BFSP2: variants seen among roughly 807,000 people sequenced by gnomAD.
BFSP2 encodes phakinin.
Under a neutral mutation model 44.9 loss-of-function variants are expected in BFSP2, and 38 were observed. That is an observed-to-expected ratio of 0.85 (90% CI 0.65 to 1.11). The LOEUF is 1.11. BFSP2 is among the 50% of genes least tolerant of loss of function. The pLI is 0.00. For missense variants in BFSP2, 525 were observed against 533.0 expected (o/e 0.99, Z 0.15); for synonymous variants, 197 against 209.9 (o/e 0.94, Z 0.53).
chr3:133,464,298 C>T (rs1230438770), intron 4 of BFSP2, among the ~76,000 whole-genome samples: 1 of 152,196 alleles, frequency 6.6e-6, no homozygotes, highest in African/African-American at 2.4e-5. Flanking sequence ...GTTGAGAGCA[C>T]ATCTCTGGGT....
chr3:133,445,218 G>A (rs2073886342), intron 1 of BFSP2, among the ~76,000 whole-genome samples: 1 of 152,236 alleles, frequency 6.6e-6, no homozygotes, highest in Admixed American at 6.5e-5. Context: ...TGGGAGTGGG[G>A]AGGTAGTGAA....
intron 4 of BFSP2, among the ~76,000 whole-genome samples, chr3:133,464,410 T>C (rs1485654959): frequency 6.6e-6 from 1 of 152,244 alleles, no homozygotes. Context: ...AGGATAATAA[T>C]GACATCTCCT....
intron 1 of BFSP2, among the ~76,000 whole-genome samples, chr3:133,440,718 G>A (rs1340797403): frequency 1.3e-5 from 2 of 152,170 alleles, no homozygotes; most frequent in Non-Finnish European, 2.9e-5. Context: ...TAGGGGCCAA[G>A]GTGATCCTGT....
intron 4 of BFSP2, 80 bp downstream of exon 4, chr3:133,450,544 G>C: frequency 6.5e-7 from 1 of 1,532,218 alleles, no homozygotes; most frequent in Non-Finnish European, 9.0e-7. Context: ...TCAATGTGCA[G>C]ACGAAGAAAT....
At chr3:133,409,720 A>G (rs1193817489) in intron 1 of BFSP2, among the ~76,000 whole-genome samples, 2 of 152,198 alleles carry the variant, frequency 1.3e-5, no homozygotes, top group African/African-American at 2.4e-5. Flanking sequence ...CTAACCAAAG[A>G]TGGTTGGGAA....
intron 1 of BFSP2, among the ~76,000 whole-genome samples, chr3:133,402,381 T>C (rs2073369163): frequency 6.6e-6 from 1 of 152,162 alleles, no homozygotes; most frequent in South Asian, 2.1e-4. Flanking sequence ...CCAGCAAATC[T>C]GTAGACAAAT....
At chr3:133,414,185 C>CTT (rs1559958971) in intron 1 of BFSP2, among the ~76,000 whole-genome samples, 1 of 102,536 alleles carries the variant, frequency 9.8e-6, no homozygotes, top group African/African-American at 3.9e-5. Context: ...CCCTCTCTCC[C>CTT]CTACTCATCC....
chr3:133,417,974 C>T (rs180744720), intron 1 of BFSP2, among the ~76,000 whole-genome samples: 1 of 145,992 alleles, frequency 6.8e-6, no homozygotes, highest in East Asian at 2.2e-4. Flanking sequence ...CATCTCCCCT[C>T]TATTCACCCC....
Position 133,430,236 on chromosome 3 carries a change from A to G in BFSP2, c.490-17081A>G, listed in dbSNP as rs112303487. 4.3e-3 allele frequency among the ~76,000 whole-genome samples: 652 copies of G among 152,170 alleles called. 3 individuals carry two copies. The highest frequency in any genetic ancestry group is 0.014 in the African/African-American group (601 of 41,486). On this transcript the variant is annotated intron_variant, in intron 1 of 6. Coordinates refer to ENST00000302334, the MANE Select transcript of BFSP2 (RefSeq NM_003571.4). ...AACATACGTGTGCATGTGTCTTTAT[A>G]GCAGCATGATTTATAATCCTTTGGG...
Position 133,454,401 on chromosome 3 carries a change from T to C in BFSP2, c.891+3937T>C, listed in dbSNP as rs1267818139. 3.9e-5 allele frequency among the ~76,000 whole-genome samples: 6 copies of C among 152,290 alleles called. No homozygotes were observed. In the East Asian group the frequency reaches 1.2e-3, roughly 29 times the overall value. ...TCTGACACCAAATATGTAGGTTTGT[T>C]CCACACCAAGCAGATCTCCAAACAC... is the stretch of plus-strand genomic sequence containing the variant. On this transcript the variant is annotated intron_variant, in intron 4 of 6. Transcript: ENST00000302334.
chr3:133,413,311 G>A (rs1288422770), intron 1 of BFSP2, among the ~76,000 whole-genome samples: 2 of 151,934 alleles, frequency 1.3e-5, no homozygotes, highest in Non-Finnish European at 2.9e-5. Context: ...GTGTCCCGGT[G>A]GGAGAGAAGA....
At chr3:133,424,162 C>T (rs2073620158) in intron 1 of BFSP2, among the ~76,000 whole-genome samples, 2 of 151,252 alleles carry the variant, frequency 1.3e-5, no homozygotes, top group Non-Finnish European at 2.9e-5. Context: ...AGCGATTCTC[C>T]TGCCTCAGAA....
At chr3:133,466,725 C>A in intron 4 of BFSP2, 103 bp from the exon 5 acceptor site, 6 of 826,406 alleles carry the variant, frequency 7.3e-6, no homozygotes, top group Non-Finnish European at 1.2e-5. Context: ...GCTGTATTTC[C>A]TCTGGTTAGA....
intron 1 of BFSP2, among the ~76,000 whole-genome samples, chr3:133,425,916 C>A (rs2073645516): frequency 2.5e-5 from 1 of 39,428 alleles, no homozygotes; most frequent in East Asian, 7.7e-4. Context: ...GAAAGGAGGG[C>A]AAGGGAAGGC....
At chr3:133,446,652 T>C (rs2073904128) in intron 1 of BFSP2, among the ~76,000 whole-genome samples, 1 of 109,258 alleles carries the variant, frequency 9.2e-6, no homozygotes, top group Non-Finnish European at 1.8e-5. Flanking sequence ...AGGAGTTTCT[T>C]GGGTTGAAGG....
intron 1 of BFSP2, among the ~76,000 whole-genome samples, chr3:133,405,042 A>C (rs1349136958): frequency 6.6e-6 from 1 of 152,172 alleles, no homozygotes; most frequent in Non-Finnish European, 1.5e-5. Flanking sequence ...TTTCATCCTC[A>C]AATAGGCCAA....
At chr3:133,446,281 C>T (rs1576584720) in intron 1 of BFSP2, among the ~76,000 whole-genome samples, 1 of 151,780 alleles carries the variant, frequency 6.6e-6, no homozygotes, top group South Asian at 2.1e-4. Flanking sequence ...ATTAGCTGGG[C>T]GCAGTGGCAC....
At chr3:133,433,491 C>G (rs181378369) in intron 1 of BFSP2, among the ~76,000 whole-genome samples, 1 of 152,304 alleles carries the variant, frequency 6.6e-6, no homozygotes, top group Non-Finnish European at 1.5e-5. Flanking sequence ...GATTTGCCCC[C>G]ACCCAGGACT....
chr3:133,450,582 T>C, intron 4 of BFSP2, 118 bp downstream of exon 4: 1 of 1,185,416 alleles, frequency 8.4e-7, no homozygotes, highest in Non-Finnish European at 1.2e-6. Flanking sequence ...AAGTTCAACC[T>C]CATTAGAAAC....
Sources: allele counts gnomAD v4.1 joint callset (sites outside exome capture counted in the v4.1 genomes callset), GRCh38; gene constraint gnomAD v4.1.1; transcripts MANE v1.5; gene names NCBI Gene and HGNC (gene_info 2026-07-23, HGNC 2026-07-21).